The following CHD9 variants were observed in gnomAD, a reference collection of about 807,000 sequenced individuals.
The protein encoded by CHD9 is chromodomain helicase DNA binding protein 9.
A neutral mutation model predicts 316.1 loss-of-function variants in CHD9; 77 were observed. The observed-to-expected ratio is 0.24, with a 90% CI of 0.20 to 0.29. The LOEUF is 0.29. Ranked by LOEUF, CHD9 falls within the 10% of genes least tolerant of loss-of-function variation. CHD9 has a pLI of 1.00. For synonymous variants in CHD9, 1,129 were observed against 1,158.3 expected (o/e 0.97, Z 0.51); for missense variants, 2,763 against 3,438.1 (o/e 0.80, Z 4.91).
intron 1 of CHD9, among the ~76,000 whole-genome samples, chr16:53,140,765 A>G (rs1464253276): frequency 4.6e-5 from 7 of 152,162 alleles, no homozygotes; most frequent in African/African-American, 1.4e-4. Flanking sequence ...TATTTAAAAA[A>G]TGTTTTGGAG....
At chr16:53,098,496 A>G (rs1217427341) in intron 1 of CHD9, among the ~76,000 whole-genome samples, 1 of 150,776 alleles carries the variant, frequency 6.6e-6, no homozygotes, top group Non-Finnish European at 1.5e-5. Context: ...AAAAAAAGAA[A>G]GAAAGAAAAG....
chr16:53,107,951 A>G (rs1234801807), intron 1 of CHD9, among the ~76,000 whole-genome samples: 1 of 152,076 alleles, frequency 6.6e-6, no homozygotes, highest in Non-Finnish European at 1.5e-5. Context: ...AGGGGATACA[A>G]TAGGGAGGGA....
At chr16:53,159,090 T>C (rs1442172504) in intron 2 of CHD9, among the ~76,000 whole-genome samples, 4 of 152,114 alleles carry the variant, frequency 2.6e-5, no homozygotes, top group Non-Finnish European at 5.9e-5. Context: ...GCCTGGACCA[T>C]GTAACGATAC....
At chr16:53,185,173 G>A (rs1252191149) in intron 2 of CHD9, among the ~76,000 whole-genome samples, 1 of 152,194 alleles carries the variant, frequency 6.6e-6, no homozygotes, top group Non-Finnish European at 1.5e-5. Flanking sequence ...GGAACAGTTT[G>A]GAGGTCTCAG....
intron 2 of CHD9, among the ~76,000 whole-genome samples, chr16:53,195,710 A>G: frequency 6.7e-6 from 1 of 148,716 alleles, no homozygotes; most frequent in East Asian, 2.0e-4. Flanking sequence ...TTTTGAGGTA[A>G]TTGCAGATTC....
At chr16:53,176,746 T>G (rs984607695) in intron 2 of CHD9, among the ~76,000 whole-genome samples, 1 of 152,220 alleles carries the variant, frequency 6.6e-6, no homozygotes, top group African/African-American at 2.4e-5. Context: ...AAATTTATAG[T>G]TCCAGATTTC....
At chr16:53,235,388 C>A (rs1567532633) in intron 11 of CHD9, 82 bp downstream of exon 11, 2 of 1,014,492 alleles carry the variant, frequency 2.0e-6, no homozygotes, top group Non-Finnish European at 2.8e-6. Flanking sequence ...ACTGTTGTTG[C>A]TATATTGTTA....
At chr16:53,221,810 TTAAG>T (rs1282643965) in intron 3 of CHD9, among the ~76,000 whole-genome samples, 1 of 152,126 alleles carries the variant, frequency 6.6e-6, no homozygotes, top group Non-Finnish European at 1.5e-5. Flanking sequence ...TTAAAGTGCC[TTAAG>T]TAATTGTCTT....
intron 30 of CHD9, chr16:53,298,564 C>T (rs1333992082): frequency 1.3e-5 from 2 of 152,248 alleles, no homozygotes; most frequent in Non-Finnish European, 2.9e-5. Flanking sequence ...GACCCAGGAC[C>T]CAGGAACAGG....
chr16:53,245,936 GGC>G lies in CHD9; in HGVS notation c.3454+87_3454+88del. On this transcript the variant is annotated intron_variant, in intron 15 of 38. Transcript: ENST00000447540. This position sits in a 1 kb window ranked among gnomAD's most constrained non-coding sequence, Gnocchi z 4.1. ...AAACAGAACACACTACAGCTGTAGTGGCTGTTATGACTCTCCACTGTGATATT... is the reference window on the plus strand; with the variant it reads ...AAACAGAACACACTACAGCTGTAGTGTGTTATGACTCTCCACTGTGATATT... 8.4e-6 allele frequency: 8 copies of G among 955,080 alleles called. No homozygotes were observed. Among genetic ancestry groups the G allele is most frequent in the Non-Finnish European group, 1.2e-5 (8 of 686,954 alleles). The allele number at this position is 955,080 out of a possible 1,614,324, so 59.2% of individuals were successfully genotyped here.
chr16:53,301,322 G>A (rs1473428941), intron 30 of CHD9, among the ~76,000 whole-genome samples: 1 of 152,148 alleles, frequency 6.6e-6, no homozygotes, highest in African/African-American at 2.4e-5. Flanking sequence ...ACTTAACTCA[G>A]AGCGTTTCTC....
rs369147621 is a variant in CHD9 at position 53,131,573 on chromosome 16, C to T, written c.-164-24353C>T. ...CGGGGTCGGGACACGGCAGCCGCGCCTGTTGCGTCGTGTGGAGGTGAGGGC... is the reference window on the plus strand; with the variant it reads ...CGGGGTCGGGACACGGCAGCCGCGCTTGTTGCGTCGTGTGGAGGTGAGGGC... On this transcript the variant is annotated intron_variant, in intron 1 of 38. Transcript: ENST00000447540. Among the ~76,000 whole-genome samples, 213 of 151,662 alleles carry T rather than the reference C, an allele frequency of 1.4e-3. 10 individuals carry two copies. The South Asian group carries it at 0.042, about 30-fold the overall frequency.
At chr16:53,204,058 TACAC>T (rs58259105) in intron 2 of CHD9, among the ~76,000 whole-genome samples, 3,198 of 62,834 alleles carry the variant, frequency 0.051, 273 homozygotes, top group African/African-American at 0.13. Context: ...AATATATATA[TACAC>T]ACACACACAC....
chr16:53,257,203 A>G (rs1005129234), intron 19 of CHD9, among the ~76,000 whole-genome samples: 13 of 152,208 alleles, frequency 8.5e-5, no homozygotes, highest in Non-Finnish European at 1.9e-4. Context: ...CAGGAATGTG[A>G]CATAGGCATG....
rs1596894728 is a variant in CHD9, at chr16:53,077,138, C to T, written c.-165+22061C>T. ...GAGTAGCTGGGATTACAGGTGTGTG[C>T]CACCACGCCTAACTAATTTTTGTAT... is the stretch of plus-strand genomic sequence containing the variant. On this transcript the variant is annotated intron_variant, in intron 1 of 38. Coordinates refer to ENST00000447540, the MANE Select transcript of CHD9 (RefSeq NM_001308319.2). 2.6e-5 allele frequency among the ~76,000 whole-genome samples: 4 copies of T among 151,978 alleles called. 1 individual carries two copies. In the South Asian group the frequency reaches 8.3e-4, roughly 32 times the overall value.
chr16:53,280,224 A>G (rs986651428), intron 24 of CHD9, among the ~76,000 whole-genome samples: 1 of 152,216 alleles, frequency 6.6e-6, no homozygotes, highest in African/African-American at 2.4e-5. Context: ...TTGCTCACAC[A>G]TGTTTATAGC....
At position 53,292,907 on chromosome 16, in the gene CHD9, A is replaced by G. The variant is rs746050778; in HGVS notation, c.5365A>G (p.Ile1789Val). Residue 1789 changes from isoleucine to valine, a missense_variant, in exon 29 of 39, where the codon ATC becomes GTC. Around this residue, in one of 15 missense-constraint regions of CHD9, gnomAD observed 183 missense variants for 258.5 expected, o/e 0.71. Coordinates refer to ENST00000447540, the MANE Select transcript of CHD9 (RefSeq NM_001308319.2). ...SALTTRLRRL[I>V]TAYQRTNKNR... is the part of the protein sequence containing the mutation. The stretch of plus-strand genomic sequence containing the variant: ...TTTAACCACACGTTTGAGGCGTCTC[A>G]TCACTGCATACCAGCGTACTAATAA... The G allele has an allele frequency of 1.2e-6, 2 of 1,613,900 alleles. No individual in the cohort carries two copies. The highest frequency in any genetic ancestry group is 1.1e-5 in the South Asian group (1 of 91,078).
chr16:53,161,547 G>A (rs1210460842), intron 2 of CHD9, among the ~76,000 whole-genome samples: 1 of 151,988 alleles, frequency 6.6e-6, no homozygotes, highest in Non-Finnish European at 1.5e-5. Context: ...CACTACATGT[G>A]TATAAAAGTT....
At chr16:53,220,427 TTA>T (rs767608205) in intron 3 of CHD9, among the ~76,000 whole-genome samples, 1 of 152,138 alleles carries the variant, frequency 6.6e-6, no homozygotes, top group Non-Finnish European at 1.5e-5. Flanking sequence ...CAATAAAAAA[TTA>T]TATCTTTCTT....
Sources: gnomAD v4.1 joint callset for allele counts (sites outside exome capture counted in the v4.1 genomes callset) on GRCh38, gnomAD v4.1.1 for gene constraint, gnomAD v4.1.1 regional missense constraint, Gnocchi (gnomAD v3.1) non-coding constraint, MANE v1.5 for transcripts, NCBI Gene and HGNC (gene_info 2026-07-23, HGNC 2026-07-21) for gene names.